PPP4R1: variants seen among roughly 807,000 people sequenced by gnomAD.
PPP4R1 encodes the protein protein phosphatase 4 regulatory subunit 1.
In PPP4R1, 42 loss-of-function variants were observed where a neutral mutation model predicts 111.2. That is an observed-to-expected ratio of 0.38 (90% CI 0.29 to 0.49). The LOEUF (loss-of-function observed/expected upper bound fraction) is 0.49, where lower values mean the gene tolerates loss of function less well. Ranked by LOEUF, PPP4R1 falls within the 20% of genes least tolerant of loss-of-function variation. The pLI is 0.97. For missense variants in PPP4R1, 1,012 were observed against 1,161.6 expected, an observed-to-expected ratio of 0.87 and a Z score of 1.87; for synonymous variants, 409 against 405.5, an observed-to-expected ratio of 1.01 and a Z score of -0.10.
chr18:9,575,994 G>A (rs2066930111), intron 10 of PPP4R1, among the ~76,000 whole-genome samples: 1 of 152,120 alleles, frequency 6.6e-6, no homozygotes, highest in Non-Finnish European at 1.5e-5. Flanking sequence ...CAAAGTCCTG[G>A]CAGCACCTGT....
chr18:9,597,740 T>C (rs62088876), intron 2 of PPP4R1, among the ~76,000 whole-genome samples: 23,939 of 152,116 alleles, frequency 0.16, 2,539 homozygotes, highest in African/African-American at 0.3. Context: ...AACTCGAGTA[T>C]GTAAATGAAT....
intron 16 of PPP4R1, chr18:9,550,726 G>T (rs750070182): frequency 3.1e-5 from 7 of 226,460 alleles, no homozygotes; most frequent in African/African-American, 4.7e-5. Flanking sequence ...TCACAGTTTG[G>T]AATGTGCTGA....
chr18:9,616,534 A>G (rs2067690209), upstream of PPP4R1, among the ~76,000 whole-genome samples: 1 of 152,174 alleles, frequency 6.6e-6, no homozygotes, highest in African/African-American at 2.4e-5. Context: ...TTGGTCTCCC[A>G]AAGCACCAGG....
chr18:9,548,688 A>G (rs933469701), intron 19 of PPP4R1, among the ~76,000 whole-genome samples: 13 of 152,174 alleles, frequency 8.5e-5, no homozygotes, highest in Non-Finnish European at 1.3e-4. Context: ...AGGCTGAGGC[A>G]GGCAGATCAC....
intron 6 of PPP4R1, among the ~76,000 whole-genome samples, chr18:9,586,639 T>C (rs964627073): frequency 6.6e-6 from 1 of 152,150 alleles, no homozygotes; most frequent in Non-Finnish European, 1.5e-5. Context: ...AGAGATCATC[T>C]AATTCATCCC....
At chr18:9,606,872 C>T (rs1195137525) in intron 2 of PPP4R1, among the ~76,000 whole-genome samples, 1 of 151,846 alleles carries the variant, frequency 6.6e-6, no homozygotes. Context: ...ATATTTGTTC[C>T]CTTCAGTGAG....
At chr18:9,609,525 T>C (rs1319746911) in intron 2 of PPP4R1, among the ~76,000 whole-genome samples, 1 of 152,196 alleles carries the variant, frequency 6.6e-6, no homozygotes, top group Non-Finnish European at 1.5e-5. Context: ...ACACCGCCCT[T>C]AAACCCGAAA....
Position 9,614,559 on chromosome 18 carries a change from T to C in PPP4R1, c.-75A>G, listed in dbSNP as rs916212908. 3 of 965,286 alleles carry C rather than the reference T, an allele frequency of 3.1e-6. No homozygotes were observed. The highest frequency in any genetic ancestry group is 3.7e-6 in the Non-Finnish European group (3 of 811,224). 59.8% of individuals were successfully genotyped at this position (965,286 alleles called of 1,614,324 possible). On this transcript the variant is annotated 5_prime_UTR_variant, in exon 1 of 20. Transcript: ENST00000400556. The surrounding 1 kb of genome is among the most constrained non-coding windows in gnomAD (Gnocchi z 4.1). Reference sequence around the variant, plus strand: ...GGAGCGGCGCGAGCCGGGGAGCCGGTGGACGCGCGCGGGAGGGGCGGCGGG... The same window carrying C: ...GGAGCGGCGCGAGCCGGGGAGCCGGCGGACGCGCGCGGGAGGGGCGGCGGG...
At chr18:9,598,758 C>T (rs1241261884) in intron 2 of PPP4R1, among the ~76,000 whole-genome samples, 1 of 152,154 alleles carries the variant, frequency 6.6e-6, no homozygotes, top group East Asian at 1.9e-4. Flanking sequence ...GGCACAGTGG[C>T]TCACGCCTGT....
intron 6 of PPP4R1, among the ~76,000 whole-genome samples, chr18:9,587,711 T>A (rs2145213310): frequency 7.1e-6 from 1 of 141,166 alleles, no homozygotes; most frequent in African/African-American, 2.7e-5. Flanking sequence ...CAGCCCAGCC[T>A]AATTTTTTTT....
At chr18:9,590,530 C>T (rs1458556833) in intron 4 of PPP4R1, among the ~76,000 whole-genome samples, 1 of 152,136 alleles carries the variant, frequency 6.6e-6, no homozygotes, top group African/African-American at 2.4e-5. Context: ...AAATCAGCAA[C>T]TTTTCTTTCT....
intron 2 of PPP4R1, among the ~76,000 whole-genome samples, chr18:9,596,716 T>C (rs1029066717): frequency 6.6e-6 from 1 of 152,222 alleles, no homozygotes; most frequent in Non-Finnish European, 1.5e-5. Flanking sequence ...GTTATTGCTG[T>C]TAGGGCATTT....
Position 9,550,122 on chromosome 18 carries a change from T to A in PPP4R1, c.2477A>T (p.Asn826Ile), listed in dbSNP as rs759424700. The A allele has an allele frequency of 3.7e-6, 6 of 1,614,178 alleles. No individual in the cohort carries two copies. The highest frequency in any genetic ancestry group is 4.2e-6 in the Non-Finnish European group (5 of 1,180,034). Reference protein sequence around the residue: ...TPPTFGVDLINELVENFGRCP... With the variant: ...TPPTFGVDLIIELVENFGRCP... Reference sequence around the variant, plus strand: ...TCTGCCAAAGTTCTCCACAAGCTCATTGATGAGGTCCACTCCGAACGTTGG... The same window carrying A: ...TCTGCCAAAGTTCTCCACAAGCTCAATGATGAGGTCCACTCCGAACGTTGG... The change falls in exon 18 of 20, where the codon AAT becomes ATT. Residue 826 changes from asparagine to isoleucine, a missense_variant. Transcript: ENST00000400556.
At chr18:9,600,403 A>T (rs1439104399) in intron 2 of PPP4R1, among the ~76,000 whole-genome samples, 2 of 152,050 alleles carry the variant, frequency 1.3e-5, no homozygotes, top group Non-Finnish European at 2.9e-5. Context: ...CCTAAATGCA[A>T]CTAGATCAAT....
In PPP4R1 at chr18:9,588,818, G is replaced by T; in HGVS notation, c.331C>A (p.Pro111Thr). 3.1e-6 allele frequency: 5 copies of T among 1,613,986 alleles called. No individual in the cohort carries two copies. Among genetic ancestry groups the T allele is most frequent in the Non-Finnish European group, 4.2e-6 (5 of 1,179,982 alleles). Residue 111 changes from proline (P) to threonine (T), a missense_variant, in exon 5 of 20, where the codon CCT becomes ACT. Transcript: ENST00000400556. Reference sequence around the variant, plus strand: ...TCTTGACAAAACAGTGCGATGTGAGGCACCTGTTCCATCAGCTCCGCTCTC... The same window carrying T: ...TCTTGACAAAACAGTGCGATGTGAGTCACCTGTTCCATCAGCTCCGCTCTC... ...TVRAELMEQV[P>T]HIALFCQENR...
chr18:9,557,865 T>C (rs1040097362), intron 14 of PPP4R1, among the ~76,000 whole-genome samples: 2 of 152,212 alleles, frequency 1.3e-5, no homozygotes, highest in African/African-American at 4.8e-5. Flanking sequence ...AGGCTGCACA[T>C]GGACCAAAGG....
Position 9,550,363 on chromosome 18 carries a change from C to G in PPP4R1, c.2327G>C (p.Arg776Thr). The stretch of plus-strand genomic sequence containing the variant: ...GGGACGTAAATAGTCATAAACATCT[C>G]TGGGACTATATAACTCTAGAAGTAA... The part of the protein sequence containing the change: ...LILLLELYSP[R>T]DVYDYLRPIA... Residue 776 changes from arginine to threonine, a missense_variant, in exon 17 of 20, where the codon AGA becomes ACA. This residue lies in a region of PPP4R1 where 305 missense variants were observed against 419.5 expected (regional missense o/e 0.73). Coordinates refer to ENST00000400556, the MANE Select transcript of PPP4R1 (RefSeq NM_001042388.3). 1 of 1,605,292 alleles carries G rather than the reference C, an allele frequency of 6.2e-7. No homozygotes were observed. The highest frequency in any genetic ancestry group is 8.5e-7 in the Non-Finnish European group (1 of 1,172,056).
Position 9,563,383 on chromosome 18 carries a change from C to A in PPP4R1, c.1741G>T (p.Val581Phe), listed in dbSNP as rs1198723401. Residue 581 changes from valine (V) to phenylalanine (F), a missense_variant, in exon 12 of 20, where the codon GTT (valine) becomes TTT (phenylalanine). By Grantham distance (50) the Val-to-Phe change is conservative. This residue lies in a region of PPP4R1 where 707 missense variants were observed against 742.1 expected (regional missense o/e 0.95). Coordinates refer to ENST00000400556, the MANE Select transcript of PPP4R1 (RefSeq NM_001042388.3). ...EDSVPLISDA[V>F]ENMDSTLHYI... ...CACTTTACTGAGTTTGTTACCTCAACAGCATCGCTGATTAAAGGCACAGAA... is the reference window on the plus strand; with the variant it reads ...CACTTTACTGAGTTTGTTACCTCAAAAGCATCGCTGATTAAAGGCACAGAA... The A allele has an allele frequency of 1.2e-6, 2 of 1,610,002 alleles. No homozygotes were observed. Among genetic ancestry groups the A allele is most frequent in the South Asian group, 2.2e-5 (2 of 90,552 alleles).
At chr18:9,576,248 G>A (rs2066933737) in intron 10 of PPP4R1, among the ~76,000 whole-genome samples, 1 of 152,110 alleles carries the variant, frequency 6.6e-6, no homozygotes, top group Non-Finnish European at 1.5e-5. Context: ...ACAAGGGAGG[G>A]AAAAGACACT....
Sources: allele counts gnomAD v4.1 joint callset (sites outside exome capture counted in the v4.1 genomes callset), GRCh38; gene constraint gnomAD v4.1.1; regional missense constraint gnomAD v4.1.1; non-coding constraint Gnocchi (gnomAD v3.1); transcripts MANE v1.5; gene names NCBI Gene and HGNC (gene_info 2026-07-23, HGNC 2026-07-21).